The following ANO3 variants were observed in gnomAD, a reference collection of about 807,000 sequenced individuals.
ANO3 encodes the protein anoctamin 3.
In ANO3, 99 loss-of-function variants were observed where a neutral mutation model predicts 144.8. The observed-to-expected ratio is 0.68, with a 90% confidence interval of 0.58 to 0.81. ANO3 has a LOEUF of 0.81. Among genes scored for constraint, ANO3 ranks in the 30% least tolerant of loss-of-function variants. ANO3 has a pLI of 0.00. For synonymous variants in ANO3, 414 were observed against 392.6 expected (o/e 1.05, Z -0.64); for missense variants, 905 against 1,202.2 (o/e 0.75, Z 3.66).
At chr11:26,256,082 G>A (rs1446777187) in intron 1 of ANO3, among the ~76,000 whole-genome samples, 1 of 152,150 alleles carries the variant, frequency 6.6e-6, no homozygotes, top group Non-Finnish European at 1.5e-5. Flanking sequence ...GTCAGCATAG[G>A]AAGGATCTGT....
intron 18 of ANO3, among the ~76,000 whole-genome samples, chr11:26,628,857 G>A (rs1051245501): frequency 6.6e-5 from 10 of 152,164 alleles, no homozygotes; most frequent in Non-Finnish European, 1.0e-4. Context: ...GATAGCTGGT[G>A]TCTTCAGCCT....
chr11:26,577,123 C>G (rs1565118874), intron 14 of ANO3, among the ~76,000 whole-genome samples: 1 of 152,062 alleles, frequency 6.6e-6, no homozygotes, highest in Non-Finnish European at 1.5e-5. Context: ...TTGGCCTTAA[C>G]TAGAGATGCA....
At chr11:26,493,020 C>T (rs1022064550) in intron 4 of ANO3, among the ~76,000 whole-genome samples, 11 of 152,130 alleles carry the variant, frequency 7.2e-5, no homozygotes, top group Non-Finnish European at 1.5e-4. Flanking sequence ...ATAATAGATT[C>T]TTAATAAATA....
intron 1 of ANO3, among the ~76,000 whole-genome samples, chr11:26,387,580 T>G (rs1437869054): frequency 1.3e-5 from 2 of 152,328 alleles, no homozygotes; most frequent in South Asian, 2.1e-4. Flanking sequence ...CTTTTAAAAC[T>G]TTTATTCTTA....
chr11:26,396,431 G>C (rs1310004043), intron 1 of ANO3, among the ~76,000 whole-genome samples: 2 of 152,088 alleles, frequency 1.3e-5, no homozygotes, highest in African/African-American at 4.8e-5. Flanking sequence ...TGACCCAGCA[G>C]TCCCATTACT....
chr11:26,393,456 T>C (rs986673727), intron 1 of ANO3, among the ~76,000 whole-genome samples: 23 of 152,080 alleles, frequency 1.5e-4, no homozygotes, highest in African/African-American at 5.1e-4. Context: ...TGAATATCTA[T>C]AGGCATATGG....
chr11:26,291,092 C>T (rs71219344), intron 1 of ANO3, among the ~76,000 whole-genome samples: 3 of 152,088 alleles, frequency 2.0e-5, no homozygotes, highest in Non-Finnish European at 4.4e-5. Flanking sequence ...TCTGGGTGCT[C>T]CTGTATTGGG....
chr11:26,573,645 T>C (rs1037422118), intron 14 of ANO3, among the ~76,000 whole-genome samples: 1 of 152,154 alleles, frequency 6.6e-6, no homozygotes, highest in Admixed American at 6.6e-5. Context: ...CAATGCACTT[T>C]TGCTATAGCT....
chr11:26,275,372 A>G (rs776377495), intron 1 of ANO3, among the ~76,000 whole-genome samples: 9 of 152,168 alleles, frequency 5.9e-5, no homozygotes, highest in Non-Finnish European at 1.3e-4. Context: ...GTGAAATATG[A>G]TTCTTTAGAG....
intron 1 of ANO3, among the ~76,000 whole-genome samples, chr11:26,237,794 T>C (rs1016020391): frequency 2.6e-5 from 4 of 152,076 alleles, no homozygotes; most frequent in Non-Finnish European, 5.9e-5. Flanking sequence ...TAGGTACCAG[T>C]CCCTATTTCT....
At chr11:26,463,912 T>C (rs1859506027) in intron 4 of ANO3, among the ~76,000 whole-genome samples, 1 of 151,740 alleles carries the variant, frequency 6.6e-6, no homozygotes, top group Admixed American at 6.6e-5. Context: ...TTTTTTTTCA[T>C]TTTTTGTGTT....
chr11:26,288,240 G>A (rs1853853559), intron 1 of ANO3, among the ~76,000 whole-genome samples: 1 of 152,140 alleles, frequency 6.6e-6, no homozygotes, highest in African/African-American at 2.4e-5. Context: ...TTTAGAGGTG[G>A]AATCATCAGC....
intron 1 of ANO3, among the ~76,000 whole-genome samples, chr11:26,343,387 T>C (rs928516497): frequency 6.6e-6 from 1 of 152,238 alleles, no homozygotes; most frequent in Admixed American, 6.5e-5. Flanking sequence ...TCAGATTTCA[T>C]TTTCTCTTTT....
intron 1 of ANO3, among the ~76,000 whole-genome samples, chr11:26,279,893 T>A (rs1853641837): frequency 6.6e-6 from 1 of 152,218 alleles, no homozygotes; most frequent in Non-Finnish European, 1.5e-5. Flanking sequence ...CTTGCTCTTA[T>A]TAATGAATTA....
chr11:26,353,581 T>C (rs980934563), intron 1 of ANO3, among the ~76,000 whole-genome samples: 2 of 152,168 alleles, frequency 1.3e-5, no homozygotes, highest in Non-Finnish European at 2.9e-5. Context: ...GTTCCTTCCT[T>C]TCTTTCTTTG....
chr11:26,472,494 G>A (rs1859818728), intron 4 of ANO3, among the ~76,000 whole-genome samples: 1 of 151,858 alleles, frequency 6.6e-6, no homozygotes, highest in African/African-American at 2.4e-5. Context: ...GAGGAGGCAG[G>A]AATTATATAC....
intron 1 of ANO3, among the ~76,000 whole-genome samples, chr11:26,207,776 G>A (rs1851837818): frequency 7.0e-6 from 1 of 143,190 alleles, no homozygotes; most frequent in African/African-American, 2.5e-5. Flanking sequence ...TTTTGTAATA[G>A]GACAACATTG....
In ANO3 at chr11:26,284,762, C is replaced by G. The variant is rs368008774; in HGVS notation, c.155-24883C>G. ...AAAAAAAAATACAAAAAAAATTAGC[C>G]GGGCGTGCTGGCGGGCGCCTGTAGT... On this transcript the variant is annotated intron_variant, in intron 1 of 27. Coordinates refer to the ANO3 transcript ENST00000672621. Among the ~76,000 whole-genome samples, 14 of 152,072 alleles carry G rather than the reference C, an allele frequency of 9.2e-5. No homozygotes were observed. The South Asian group carries it at 1.2e-3, about 14-fold the overall frequency.
Position 26,533,743 on chromosome 11 carries a change from A to G in ANO3, c.870-713A>G, listed in dbSNP as rs141445136. Among the ~76,000 whole-genome samples the G allele has an allele frequency of 1.5e-4, 23 of 152,302 alleles. 1 individual carries two copies. The East Asian group carries it at 4.5e-3, about 29-fold the overall frequency. On this transcript the variant is annotated intron_variant, in intron 8 of 26. Transcript: ENST00000256737. ...AGTCAGAAAAGTTACACCGTTTGCC[A>G]TCTGTTTGAATATGAGCAGTGTAGA... is the stretch of plus-strand genomic sequence containing the variant.
Sources: allele counts gnomAD v4.1 joint callset (sites outside exome capture counted in the v4.1 genomes callset), GRCh38; gene constraint gnomAD v4.1.1; transcripts MANE v1.5; gene names NCBI Gene and HGNC (gene_info 2026-07-23, HGNC 2026-07-21).